Variants in NEBL observed in about 807,000 individuals in gnomAD.
The protein encoded by NEBL is LIM and SH3 protein 2.
Under a neutral mutation model 140.2 loss-of-function variants are expected in NEBL, and 122 were observed. The ratio of observed to expected loss-of-function variants is 0.87; its 90% CI spans 0.75 to 1.01. The LOEUF is 1.01. Among genes scored for constraint, NEBL ranks in the 50% least tolerant of loss-of-function variants. The pLI is 0.00. For missense variants in NEBL, 1,365 were observed against 1,231.3 expected, an observed-to-expected ratio of 1.11 and a Z score of -1.62; for synonymous variants, 436 against 398.9, an observed-to-expected ratio of 1.09 and a Z score of -1.11.
chr10:20,917,694 C>T (rs1156835025), intron 4 of NEBL, among the ~76,000 whole-genome samples: 4 of 152,226 alleles, frequency 2.6e-5, no homozygotes, highest in African/African-American at 9.6e-5. Flanking sequence ...GCTCTCTAAA[C>T]ATCATGTAAA....
At chr10:20,881,647 G>C (rs1426906478) in intron 4 of NEBL, among the ~76,000 whole-genome samples, 1 of 152,098 alleles carries the variant, frequency 6.6e-6, no homozygotes, top group East Asian at 1.9e-4. Context: ...ACTTTGTTTA[G>C]TTTATGTATA....
At chr10:21,195,235 C>A (rs1841629837) in intron 3 of NEBL, among the ~76,000 whole-genome samples, 1 of 152,118 alleles carries the variant, frequency 6.6e-6, no homozygotes, top group Admixed American at 6.6e-5. Flanking sequence ...GGAAGATCTT[C>A]AAATTTTTGG....
rs1835002225 is a variant in NEBL, at chr10:20,780,957, T to C, written c.*4790A>G. 6.6e-6 allele frequency: 1 copy of C among 152,210 alleles called. No homozygotes were observed. The highest frequency in any genetic ancestry group is 1.5e-5 in the Non-Finnish European group (1 of 68,032). 9.4% of individuals were successfully genotyped at this position (152,210 alleles called of 1,614,324 possible). On this transcript the variant is annotated 3_prime_UTR_variant, in exon 28 of 28. Transcript: ENST00000377122. ...GTTTGTGAGTGACTGTACTATACAATGTGATGCTAGGCTTAATGTGTCATT... is the reference window on the plus strand; with the variant it reads ...GTTTGTGAGTGACTGTACTATACAACGTGATGCTAGGCTTAATGTGTCATT...
chr10:20,961,908 T>C, intron 3 of NEBL: 1 of 698,944 alleles, frequency 1.4e-6, no homozygotes, highest in Non-Finnish European at 2.5e-6. Context: ...GAGGTGCAGT[T>C]AAGAACCAGA....
At chr10:20,922,314 G>T (rs141888058) in intron 4 of NEBL, among the ~76,000 whole-genome samples, 1 of 152,304 alleles carries the variant, frequency 6.6e-6, no homozygotes, top group African/African-American at 2.4e-5. Flanking sequence ...TGGCTGTTGT[G>T]AGGCTCTGAA....
intron 3 of NEBL, among the ~76,000 whole-genome samples, chr10:21,209,436 T>C (rs916979546): frequency 8.7e-4 from 133 of 152,258 alleles, no homozygotes; most frequent in African/African-American, 3.1e-3. Flanking sequence ...CCTCGGGAGA[T>C]GTGTATTTTT....
intron 2 of NEBL, among the ~76,000 whole-genome samples, chr10:21,064,320 G>A (rs1835435075): frequency 6.6e-6 from 1 of 152,036 alleles, no homozygotes; most frequent in African/African-American, 2.4e-5. Context: ...AATGTTTTAG[G>A]ATTTCACTGC....
At chr10:21,014,655 A>G (rs1039806163) in intron 3 of NEBL, among the ~76,000 whole-genome samples, 1 of 152,140 alleles carries the variant, frequency 6.6e-6, no homozygotes, top group African/African-American at 2.4e-5. Flanking sequence ...ATCTTACTGG[A>G]TGGTTAGATG....
At chr10:20,880,928 G>A (rs1264531990) in intron 4 of NEBL, 24 bp from the exon 5 acceptor site, 6 of 1,588,842 alleles carry the variant, frequency 3.8e-6, no homozygotes, top group South Asian at 2.2e-5. Context: ...ATAATTTTTA[G>A]TCCCATTTAG....
intron 2 of NEBL, among the ~76,000 whole-genome samples, chr10:21,024,793 A>G (rs1348561483): frequency 6.7e-6 from 1 of 149,606 alleles, no homozygotes; most frequent in African/African-American, 2.5e-5. Flanking sequence ...CTCAACTTCC[A>G]CTCACCCACC....
At chr10:21,066,050 C>T (rs565340050) in intron 2 of NEBL, among the ~76,000 whole-genome samples, 2 of 152,328 alleles carry the variant, frequency 1.3e-5, no homozygotes, top group African/African-American at 2.4e-5. Flanking sequence ...TCTGCCAACT[C>T]AGCATCCATC....
intron 2 of NEBL, among the ~76,000 whole-genome samples, chr10:21,130,484 G>C (rs1839053253): frequency 6.6e-6 from 1 of 151,978 alleles, no homozygotes; most frequent in Non-Finnish European, 1.5e-5. Flanking sequence ...CATTCACCAA[G>C]ACAGACCACA....
chr10:21,212,230 TTTA>T (rs1189077478), intron 3 of NEBL, among the ~76,000 whole-genome samples: 3 of 151,974 alleles, frequency 2.0e-5, no homozygotes, highest in South Asian at 4.1e-4. Context: ...AAATATATGA[TTTA>T]TTATGTTACA....
At chr10:20,830,728 T>C (rs940614632) in intron 16 of NEBL, among the ~76,000 whole-genome samples, 4 of 139,668 alleles carry the variant, frequency 2.9e-5, no homozygotes, top group Non-Finnish European at 6.0e-5. Flanking sequence ...AAGTGTCCAA[T>C]AGGGTCAAAA....
At chr10:21,168,916 G>A (rs1840921571) in intron 2 of NEBL, among the ~76,000 whole-genome samples, 1 of 150,616 alleles carries the variant, frequency 6.6e-6, no homozygotes, top group South Asian at 2.1e-4. Context: ...GGGCTTGGTG[G>A]CGGGCGCCCC....
rs563493508 is a variant in NEBL, at chr10:21,106,518, G to C, written c.164+65865C>G. 6.6e-5 allele frequency among the ~76,000 whole-genome samples: 10 copies of C among 152,226 alleles called. 1 individual carries two copies. In the South Asian group the frequency reaches 1.5e-3, roughly 22 times the overall value. Reference sequence around the variant, plus strand: ...TGTAGATGCATGGTGTTGTTTCTGAGGCCTCTGTTCTGTTCCATTGGTCTA... The same window carrying C: ...TGTAGATGCATGGTGTTGTTTCTGACGCCTCTGTTCTGTTCCATTGGTCTA... On this transcript the variant is annotated intron_variant, in intron 2 of 6. Transcript: ENST00000417816.
At chr10:20,796,367 G>GAAAAAAAAAAAAAAAAAAAAAAAAA (rs57844177) in intron 26 of NEBL, among the ~76,000 whole-genome samples, 1 of 51,500 alleles carries the variant, frequency 1.9e-5, no homozygotes, top group African/African-American at 6.8e-5. Flanking sequence ...TCTAAAACAA[G>GAAAAAAAAAAAAAAAAAAAAAAAAA]AAAAAAAAAA....
intron 2 of NEBL, among the ~76,000 whole-genome samples, chr10:21,123,733 A>G (rs1838685657): frequency 6.6e-6 from 1 of 151,044 alleles, no homozygotes; most frequent in Admixed American, 6.6e-5. Flanking sequence ...GAATATATAT[A>G]TATATATCAT....
intron 2 of NEBL, among the ~76,000 whole-genome samples, chr10:21,067,487 G>T (rs1317339935): frequency 6.6e-6 from 1 of 152,062 alleles, no homozygotes; most frequent in African/African-American, 2.4e-5. Flanking sequence ...GAGGAGGGAG[G>T]AGAACAAGAA....
Sources: gnomAD v4.1 joint callset for allele counts (sites outside exome capture counted in the v4.1 genomes callset) on GRCh38, gnomAD v4.1.1 for gene constraint, MANE v1.5 for transcripts, NCBI Gene and HGNC (gene_info 2026-07-23, HGNC 2026-07-21) for gene names.